FMC1: variants seen among roughly 807,000 people sequenced by gnomAD.
The protein encoded by FMC1 is protein FMC1 homolog.
A neutral mutation model predicts 10.5 loss-of-function variants in FMC1; 6 were observed. The observed-to-expected ratio is 0.57, with a 90% CI of 0.31 to 1.12. The LOEUF is 1.12. FMC1 is among the 50% of genes most tolerant of loss of function. The pLI is 0.05. For synonymous variants in FMC1, 59 were observed against 62.1 expected (o/e 0.95, Z 0.24); for missense variants, 146 against 151.7 (o/e 0.96, Z 0.20).
chr7:139,342,714 G>A (rs985664333), intron 1 of FMC1, among the ~76,000 whole-genome samples: 2 of 152,080 alleles, frequency 1.3e-5, no homozygotes, highest in East Asian at 1.9e-4. Flanking sequence ...CGCCTGCCTC[G>A]GCCTCCCAAA....
chr7:139,341,203 G>A (rs1798934868), upstream of FMC1: 2 of 1,091,570 alleles, frequency 1.8e-6, no homozygotes, highest in South Asian at 2.0e-5. Flanking sequence ...TTTTGTTACG[G>A]CGCCCCTGGG....
At chr7:139,344,209 G>T (rs7808740) in intron 1 of FMC1, among the ~76,000 whole-genome samples, 59,212 of 152,038 alleles carry the variant, frequency 0.39, 16,152 homozygotes, top group African/African-American at 0.78. Flanking sequence ...TGAGTCCAGA[G>T]TTTTCAAGAT....
At chr7:139,344,384 G>A (rs1456546151) in intron 1 of FMC1, among the ~76,000 whole-genome samples, 1 of 152,042 alleles carries the variant, frequency 6.6e-6, no homozygotes, top group Non-Finnish European at 1.5e-5. Context: ...ACATCCTCCT[G>A]TATACTTTGT....
chr7:139,345,460 C>G (rs755194432), intron 1 of FMC1, 41 bp from the exon 2 acceptor site: 5 of 1,612,148 alleles, frequency 3.1e-6, no homozygotes, highest in Non-Finnish European at 4.2e-6. Context: ...GGACCTGTAT[C>G]TCTAGCTGGG....
At position 139,346,136 on chromosome 7, in the gene FMC1, CTG is replaced by C. The variant is rs1306467700; in HGVS notation, c.*433_*434del. 6.5e-6 allele frequency: 1 copy of C among 154,186 alleles called. No individual in the cohort carries two copies. Among genetic ancestry groups the C allele is most frequent in the East Asian group, 1.9e-4 (1 of 5,258 alleles). 9.6% of individuals were successfully genotyped at this position (154,186 alleles called of 1,614,324 possible). On this transcript the variant is annotated 3_prime_UTR_variant, in exon 2 of 2. Coordinates refer to ENST00000297534, the MANE Select transcript of FMC1 (RefSeq NM_197964.5). ...CCTGTAATCCCAGCTACTCAGGAGG[CTG>C]GGACAGGAGAATCGCTTGAACCCGG...
Position 139,341,373 on chromosome 7 carries a change from A to G in FMC1, c.-12A>G. On this transcript the variant is annotated 5_prime_UTR_variant, in exon 1 of 2. Transcript: ENST00000297534. ...ACGCCGTTGGGCACCACGCTCGGAG[A>G]AGGACAGGACAATGGCGGCCTTAGG... The G allele has an allele frequency of 5.0e-6, 8 of 1,604,328 alleles. No individual in the cohort carries two copies. The highest frequency in any genetic ancestry group is 6.0e-6 in the Non-Finnish European group (7 of 1,174,106).
At chr7:139,341,336 C>A, upstream of FMC1, 1 of 1,573,622 alleles carries the variant, frequency 6.4e-7, no homozygotes. Flanking sequence ...GAGGGGTTTT[C>A]AGGGTCGTAG....
At chr7:139,344,452 T>C (rs1208825237) in intron 1 of FMC1, among the ~76,000 whole-genome samples, 1 of 152,228 alleles carries the variant, frequency 6.6e-6, no homozygotes, top group African/African-American at 2.4e-5. Flanking sequence ...GTTGTTATAC[T>C]ACATTGTTTA....
rs375051042 is a variant in FMC1 at position 139,345,530 on chromosome 7, A to G, written c.168A>G (p.Gln56=). The G allele has an allele frequency of 9.5e-5, 153 of 1,614,080 alleles. 1 individual carries two copies. The South Asian group carries it at 1.3e-3, about 13-fold the overall frequency. The change falls in exon 2 of 2, where the codon CAA becomes CAG. Residue 56 remains glutamine, a synonymous_variant. Coordinates refer to ENST00000297534, the MANE Select transcript of FMC1 (RefSeq NM_197964.5). ...CCAGTGAAAAGTTGTGCAGAGCCCAACATGAGCTTCATTTCCAAGCTGCCA... is the reference window on the plus strand; with the variant it reads ...CCAGTGAAAAGTTGTGCAGAGCCCAGCATGAGCTTCATTTCCAAGCTGCCA... ...RVTSEKLCRA[Q]HELHFQAATY... is the part of the protein sequence containing the mutation.
At chr7:139,341,295 C>T (rs1798941676), upstream of FMC1, 2 of 1,518,354 alleles carry the variant, frequency 1.3e-6, no homozygotes, top group African/African-American at 1.4e-5. Flanking sequence ...GGTAGTCTGT[C>T]CGACCGTACC....
rs1334722512 is a variant in FMC1, at chr7:139,345,559, A to G, written c.197A>G (p.Tyr66Cys). 2.5e-6 allele frequency: 4 copies of G among 1,613,986 alleles called. No homozygotes were observed. Among genetic ancestry groups the G allele is most frequent in the African/African-American group, 2.7e-5 (2 of 74,888 alleles). ...GAGCTTCATTTCCAAGCTGCCACCT[A>G]TCTCTGCCTCCTGCGTAGCATCCGG... is the stretch of plus-strand genomic sequence containing the variant. ...QHELHFQAAT[Y>C]LCLLRSIRKH... Residue 66 changes from tyrosine to cysteine, a missense_variant, in exon 2 of 2, where the codon TAT (tyrosine) becomes TGT (cysteine). Physicochemically the swap from Tyr to Cys is radical, Grantham distance 194 (BLOSUM62 -2). Transcript: ENST00000297534.
Position 139,341,466 on chromosome 7 carries a change from C to G in FMC1, c.82C>G (p.Pro28Ala). The G allele has an allele frequency of 6.2e-7, 1 of 1,613,756 alleles. No individual in the cohort carries two copies. The highest frequency in any genetic ancestry group is 8.5e-7 in the Non-Finnish European group (1 of 1,180,006). The part of the protein sequence containing the change: ...LRYLSAATGR[P>A]YRDTAAYRYL... ...CTACCTGAGCGCGGCCACCGGCCGA[C>G]CCTATCGCGACACCGCGGCCTATCG... is the stretch of plus-strand genomic sequence containing the variant. The change falls in exon 1 of 2, where the codon CCC (proline) becomes GCC (alanine). Residue 28 changes from proline to alanine, a missense_variant. By Grantham distance (27) the Pro-to-Ala change is conservative (BLOSUM62 -1). Transcript: ENST00000297534.
Position 139,341,521 on chromosome 7 carries a change from G to C in FMC1, c.137G>C (p.Arg46Pro). The C allele has an allele frequency of 2.5e-6, 4 of 1,611,366 alleles. No homozygotes were observed. The highest frequency in any genetic ancestry group is 2.2e-5 in the South Asian group (2 of 91,002). ...CTTGTGAAGGCTTTCCGTGCACATCGGGTACGGGAGCCATGTCCCGGGTGC... is the reference window on the plus strand; with the variant it reads ...CTTGTGAAGGCTTTCCGTGCACATCCGGTACGGGAGCCATGTCCCGGGTGC... Reference protein sequence around the residue: ...RYLVKAFRAHRVTSEKLCRAQ... With the variant: ...RYLVKAFRAHPVTSEKLCRAQ... The change falls in exon 1 of 2, where the codon CGG (arginine) becomes CCG (proline). Residue 46 changes from arginine (R) to proline (P), a missense_variant and splice_region_variant. Arg to Pro is a moderately radical substitution (Grantham distance 103). Transcript: ENST00000297534.
chr7:139,342,604 C>T (rs754089685), intron 1 of FMC1, among the ~76,000 whole-genome samples: 10 of 152,094 alleles, frequency 6.6e-5, no homozygotes, highest in South Asian at 2.1e-4. Flanking sequence ...TACAGGCAGG[C>T]GACATGCGAC....
chr7:139,342,976 C>T (rs1799071599), intron 1 of FMC1, among the ~76,000 whole-genome samples: 1 of 152,216 alleles, frequency 6.6e-6, no homozygotes, highest in African/African-American at 2.4e-5. Flanking sequence ...TATCCTTTCC[C>T]TCCGGAGAAG....
intron 1 of FMC1, 108 bp downstream of exon 1, chr7:139,341,630 C>T (rs1021113768): frequency 6.0e-6 from 9 of 1,499,396 alleles, no homozygotes; most frequent in Non-Finnish European, 7.1e-6. Flanking sequence ...CTGAGGCCAA[C>T]CCTCCCACGG....
chr7:139,345,351 G>A, intron 1 of FMC1, 150 bp from the exon 2 acceptor site: 1 of 1,245,336 alleles, frequency 8.0e-7, no homozygotes, highest in South Asian at 1.6e-5. Flanking sequence ...TGCCTCTATA[G>A]ATGTATTAAG....
At chr7:139,342,809 T>C (rs746711464) in intron 1 of FMC1, among the ~76,000 whole-genome samples, 1 of 152,176 alleles carries the variant, frequency 6.6e-6, no homozygotes, top group Non-Finnish European at 1.5e-5. Flanking sequence ...TTGTACCTTA[T>C]GGGGATAACA....
upstream of FMC1, among the ~76,000 whole-genome samples, chr7:139,340,846 A>C (rs1367128577): frequency 1.3e-5 from 2 of 151,018 alleles, no homozygotes; most frequent in Non-Finnish European, 3.0e-5. Context: ...TTTTTTTTTA[A>C]ATGGGAAGTG....
Sources: allele counts gnomAD v4.1 joint callset (sites outside exome capture counted in the v4.1 genomes callset), GRCh38; gene constraint gnomAD v4.1.1; transcripts MANE v1.5; gene names NCBI Gene and HGNC (gene_info 2026-07-23, HGNC 2026-07-21).